The following KDM5A variants were observed in gnomAD, a reference collection of about 807,000 sequenced individuals.
KDM5A encodes the protein lysine demethylase 5A.
Under a neutral mutation model 193.5 loss-of-function variants are expected in KDM5A, and 42 were observed. The observed-to-expected ratio is 0.22, with a 90% CI of 0.17 to 0.28. The LOEUF is 0.28. KDM5A is among the 10% of genes least tolerant of loss of function. The pLI is 1.00. For synonymous variants in KDM5A, 796 were observed against 718.1 expected, an observed-to-expected ratio of 1.11 and a Z score of -1.73; for missense variants, 1,692 against 2,055.1, an observed-to-expected ratio of 0.82 and a Z score of 3.42.
At chr12:339,383 C>T (rs994355557) in intron 10 of KDM5A, among the ~76,000 whole-genome samples, 5 of 151,986 alleles carry the variant, frequency 3.3e-5, no homozygotes, top group African/African-American at 1.2e-4. Context: ...TCTAATTAGT[C>T]CCTAAAATCC....
intron 3 of KDM5A, among the ~76,000 whole-genome samples, chr12:376,500 C>T (rs1046841431): frequency 6.6e-6 from 1 of 152,204 alleles, no homozygotes; most frequent in Non-Finnish European, 1.5e-5. Context: ...TGGCTAGGAA[C>T]GGGAATTCCC....
intron 5 of KDM5A, among the ~76,000 whole-genome samples, chr12:357,698 C>T (rs1172900079): frequency 6.6e-6 from 1 of 151,176 alleles, no homozygotes; most frequent in African/African-American, 2.4e-5. Context: ...CATGGTGGCG[C>T]ACGCCTATAG....
At chr12:325,650 G>A (rs1470128312) in intron 14 of KDM5A, among the ~76,000 whole-genome samples, 8 of 152,016 alleles carry the variant, frequency 5.3e-5, no homozygotes, top group Non-Finnish European at 1.5e-5. Flanking sequence ...CTCCAACTCG[G>A]GCAACAGAGT....
At chr12:335,727 T>C (rs1943921655) in intron 10 of KDM5A, among the ~76,000 whole-genome samples, 1 of 152,048 alleles carries the variant, frequency 6.6e-6, no homozygotes. Context: ...ATATATAAAC[T>C]ATCAAACTGT....
chr12:350,292 C>T (rs971545446), intron 10 of KDM5A, among the ~76,000 whole-genome samples: 1 of 151,422 alleles, frequency 6.6e-6, no homozygotes, highest in East Asian at 1.9e-4. Context: ...AAAAATTAGC[C>T]GGGCATAATA....
At chr12:318,012 A>C in intron 19 of KDM5A, 94 bp downstream of exon 19, 1 of 945,722 alleles carries the variant, frequency 1.1e-6, no homozygotes, top group Non-Finnish European at 1.7e-6. Context: ...AAAAAAAAAA[A>C]GTCATTTAAT....
intron 27 of KDM5A, among the ~76,000 whole-genome samples, 171 bp from the exon 28 acceptor site, chr12:285,833 C>T (rs568166172): frequency 6.6e-6 from 1 of 152,272 alleles, no homozygotes; most frequent in African/African-American, 2.4e-5. Flanking sequence ...GAAGTTAATA[C>T]CCCAAAATTA....
Position 313,166 on chromosome 12 carries a change from T to C in KDM5A, c.2926A>G (p.Ser976Gly), listed in dbSNP as rs1428121714. The change falls in exon 20 of 28, where the codon AGC becomes GGC. Residue 976 changes from serine (S) to glycine (G), a missense_variant. Physicochemically the swap from Ser to Gly is moderately conservative, Grantham distance 56. This residue lies in a region of KDM5A where 965 missense variants were observed against 1,061.0 expected (regional missense o/e 0.91). Coordinates refer to ENST00000399788, the MANE Select transcript of KDM5A (RefSeq NM_001042603.3). Reference protein sequence around the residue: ...RPRHSVASLESIVNEAKNIPA... With the variant: ...RPRHSVASLEGIVNEAKNIPA... ...ATGTTCTTGGCTTCATTCACAATGC[T>C]TTCTAAACTTGCCACACTGTGCCTC... 6.2e-7 allele frequency: 1 copy of C among 1,614,010 alleles called. No individual in the cohort carries two copies. Among genetic ancestry groups the C allele is most frequent in the Admixed American group, 1.7e-5 (1 of 60,008 alleles).
At chr12:329,297 A>G (rs1943833356) in intron 13 of KDM5A, 3 of 468,824 alleles carry the variant, frequency 6.4e-6, no homozygotes, top group African/African-American at 2.0e-5. Flanking sequence ...TTGTATATCA[A>G]GAAGGAGTTC....
intron 19 of KDM5A, among the ~76,000 whole-genome samples, chr12:314,499 G>C (rs933877841): frequency 2.6e-5 from 4 of 152,044 alleles, no homozygotes; most frequent in African/African-American, 7.2e-5. Flanking sequence ...CCAGCCTCAC[G>C]AAACTTTTTA....
At position 364,324 on chromosome 12, in the gene KDM5A, T is replaced by C. The variant is rs1944325507; in HGVS notation, c.538-1227A>G. ...CTGTCTCTACTAAAAATACAAAAAT[T>C]AGCTGGGGGTGGTGGCATGCACCTG... On this transcript the variant is annotated intron_variant, in intron 4 of 27. Coordinates refer to ENST00000399788, the MANE Select transcript of KDM5A (RefSeq NM_001042603.3). 3.3e-5 allele frequency among the ~76,000 whole-genome samples: 5 copies of C among 151,646 alleles called. No homozygotes were observed. In the South Asian group the frequency reaches 1.0e-3, roughly 32 times the overall value.
Position 297,124 on chromosome 12 carries a change from T to A in KDM5A, c.4151A>T (p.Glu1384Val), listed in dbSNP as rs752212155. 6.2e-7 allele frequency: 1 copy of A among 1,613,892 alleles called. No homozygotes were observed. Among genetic ancestry groups the A allele is most frequent in the Non-Finnish European group, 8.5e-7 (1 of 1,179,970 alleles). ...TGTCCACATGTGGGTCACCACCTCCTCGGATTTGATGGGAATCTCTTCATC... is the reference window on the plus strand; with the variant it reads ...TGTCCACATGTGGGTCACCACCTCCACGGATTTGATGGGAATCTCTTCATC... ...FCDEEIPIKS[E>V]EVVTHMWTAP... Residue 1384 changes from glutamate (E) to valine (V), a missense_variant, in exon 25 of 28, where the codon GAG becomes GTG. Coordinates refer to ENST00000399788, the MANE Select transcript of KDM5A (RefSeq NM_001042603.3).
chr12:373,941 G>C (rs1944466763), intron 3 of KDM5A, among the ~76,000 whole-genome samples: 1 of 152,354 alleles, frequency 6.6e-6, no homozygotes, highest in East Asian at 1.9e-4. Context: ...TGTGGTCTGA[G>C]AGACAGTTTG....
At chr12:295,832 T>G (rs1252968721) in intron 25 of KDM5A, 39 bp from the exon 26 acceptor site, 6 of 1,570,870 alleles carry the variant, frequency 3.8e-6, no homozygotes, top group Non-Finnish European at 5.3e-6. Context: ...CAAAAAAAAT[T>G]AAAACTATGG....
At position 305,441 on chromosome 12, in the gene KDM5A, G is replaced by C. The variant is rs71447482; in HGVS notation, c.4074+1505C>G. On this transcript the variant is annotated intron_variant, in intron 24 of 27. Coordinates refer to ENST00000399788, the MANE Select transcript of KDM5A (RefSeq NM_001042603.3). Reference sequence around the variant, plus strand: ...TGGATGGTTTTAATTTTATATCCTAGGAGTTTTAATGCTGATGAGATTAAT... The same window carrying C: ...TGGATGGTTTTAATTTTATATCCTACGAGTTTTAATGCTGATGAGATTAAT... Among the ~76,000 whole-genome samples, 161 of 152,156 alleles carry C rather than the reference G, an allele frequency of 1.1e-3. 1 individual carries two copies. The highest frequency in any genetic ancestry group is 3.2e-3 in the African/African-American group (134 of 41,510).
chr12:306,188 G>T (rs1306425909), intron 24 of KDM5A, among the ~76,000 whole-genome samples: 3 of 151,772 alleles, frequency 2.0e-5, no homozygotes, highest in Non-Finnish European at 4.4e-5. Context: ...GCACAGGCTG[G>T]TCTCAAACTC....
At chr12:348,288 T>C (rs542405470) in intron 10 of KDM5A, among the ~76,000 whole-genome samples, 7 of 152,252 alleles carry the variant, frequency 4.6e-5, no homozygotes, top group South Asian at 2.1e-4. Context: ...TGTGGAGAAA[T>C]AGGAACACTG....
intron 10 of KDM5A, among the ~76,000 whole-genome samples, chr12:349,872 G>A (rs1329836326): frequency 6.7e-6 from 1 of 150,362 alleles, no homozygotes; most frequent in African/African-American, 2.4e-5. Flanking sequence ...ACTCACGCCT[G>A]TAATCCCAGC....
chr12:294,762 C>T (rs1943348222), intron 26 of KDM5A, among the ~76,000 whole-genome samples: 1 of 152,062 alleles, frequency 6.6e-6, no homozygotes, highest in African/African-American at 2.4e-5. Flanking sequence ...ACTTAGAATC[C>T]AGATCTCTTT....
Sources: gnomAD v4.1 joint callset for allele counts (sites outside exome capture counted in the v4.1 genomes callset) on GRCh38, gnomAD v4.1.1 for gene constraint, gnomAD v4.1.1 regional missense constraint, MANE v1.5 for transcripts, NCBI Gene and HGNC (gene_info 2026-07-23, HGNC 2026-07-21) for gene names.